The following LRRC4C variants were observed in gnomAD, a reference collection of about 807,000 sequenced individuals.
The protein encoded by LRRC4C is leucine-rich repeat-containing protein 4C.
LRRC4C carries 5 observed loss-of-function variants against 33.6 expected under a neutral mutation model. The ratio of observed to expected loss-of-function variants is 0.15; its 90% CI spans 0.08 to 0.31. The LOEUF is 0.31. Among genes scored for constraint, LRRC4C ranks in the 10% least tolerant of loss-of-function variants. LRRC4C has a pLI of 1.00. For synonymous variants in LRRC4C, 329 were observed against 302.0 expected (o/e 1.09, Z -0.93); for missense variants, 560 against 796.7 (o/e 0.70, Z 3.58).
intron 1 of LRRC4C, among the ~76,000 whole-genome samples, chr11:41,392,860 G>A (rs1021831456): frequency 3.9e-4 from 60 of 151,946 alleles, no homozygotes; most frequent in African/African-American, 1.4e-3. Flanking sequence ...TTCTGAGAGA[G>A]CAAAAGCAAG....
intron 1 of LRRC4C, among the ~76,000 whole-genome samples, chr11:41,055,634 A>G (rs1858563354): frequency 6.6e-6 from 1 of 152,160 alleles, no homozygotes; most frequent in African/African-American, 2.4e-5. Flanking sequence ...CTAGTCTCTT[A>G]TCCATAAATT....
chr11:41,385,050 A>T (rs1953304049), intron 1 of LRRC4C, among the ~76,000 whole-genome samples: 1 of 150,940 alleles, frequency 6.6e-6, no homozygotes, highest in Admixed American at 6.6e-5. Flanking sequence ...CCAGGAAATT[A>T]TGATAATTTT....
chr11:40,683,388 A>G (rs1386716851), intron 2 of LRRC4C, among the ~76,000 whole-genome samples: 1 of 152,234 alleles, frequency 6.6e-6, no homozygotes, highest in African/African-American at 2.4e-5. Flanking sequence ...TGCCTAATAT[A>G]GTATTCATAT....
intron 1 of LRRC4C, among the ~76,000 whole-genome samples, chr11:41,347,877 C>T (rs779054705): frequency 3.9e-5 from 6 of 152,032 alleles, no homozygotes; most frequent in Admixed American, 2.6e-4. Flanking sequence ...AAAATGCTTC[C>T]GAACCACCGG....
intron 2 of LRRC4C, among the ~76,000 whole-genome samples, chr11:40,679,551 G>A (rs1456022358): frequency 1.3e-5 from 2 of 152,192 alleles, no homozygotes; most frequent in Non-Finnish European, 2.9e-5. Flanking sequence ...GCAGTCTAGG[G>A]ACTTGGGGCC....
chr11:41,287,703 A>C (rs1949872297), intron 1 of LRRC4C, among the ~76,000 whole-genome samples: 1 of 152,194 alleles, frequency 6.6e-6, no homozygotes, highest in African/African-American at 2.4e-5. Context: ...AACCGCTTAT[A>C]AAATTATGTT....
chr11:40,505,915 T>C (rs1054834424), intron 3 of LRRC4C, among the ~76,000 whole-genome samples: 1 of 152,036 alleles, frequency 6.6e-6, no homozygotes, highest in African/African-American at 2.4e-5. Flanking sequence ...TTTTTTCTAA[T>C]TTCTTTATCT....
rs1950527499 is a variant in LRRC4C, at chr11:40,421,622, G to A, written c.-269-101901C>T. On this transcript the variant is annotated intron_variant, in intron 3 of 6. Transcript: ENST00000528697. ...CCAAATGAAAGGCCTTTCTCTGGCTGATCTGCCCCACTCATCGACCCACAA... is the reference window on the plus strand; with the variant it reads ...CCAAATGAAAGGCCTTTCTCTGGCTAATCTGCCCCACTCATCGACCCACAA... Among the ~76,000 whole-genome samples, 3 of 152,300 alleles carry A rather than the reference G, an allele frequency of 2.0e-5. No homozygotes were observed. The South Asian group carries it at 6.2e-4, about 32-fold the overall frequency.
intron 1 of LRRC4C, among the ~76,000 whole-genome samples, chr11:40,944,997 A>G (rs989758630): frequency 2.0e-5 from 3 of 150,008 alleles, no homozygotes; most frequent in Non-Finnish European, 4.4e-5. Flanking sequence ...ATGCTCTCCT[A>G]AGTGGTGTTC....
At chr11:41,334,261 G>C (rs1951381888) in intron 1 of LRRC4C, among the ~76,000 whole-genome samples, 1 of 152,134 alleles carries the variant, frequency 6.6e-6, no homozygotes, top group African/African-American at 2.4e-5. Flanking sequence ...GTACCTCTTT[G>C]AACTCGTCAG....
At chr11:41,369,839 C>T (rs537365101) in intron 1 of LRRC4C, among the ~76,000 whole-genome samples, 48 of 152,130 alleles carry the variant, frequency 3.2e-4, no homozygotes, top group Non-Finnish European at 5.7e-4. Flanking sequence ...GTCCACTCTG[C>T]GAATAATGTG....
At chr11:41,315,216 T>C (rs1950752546) in intron 1 of LRRC4C, among the ~76,000 whole-genome samples, 1 of 152,228 alleles carries the variant, frequency 6.6e-6, no homozygotes, top group African/African-American at 2.4e-5. Flanking sequence ...GTTACAGGCA[T>C]ATCAATGCCT....
intron 3 of LRRC4C, among the ~76,000 whole-genome samples, chr11:40,480,959 G>A (rs1386262491): frequency 6.6e-6 from 1 of 151,630 alleles, no homozygotes; most frequent in Non-Finnish European, 1.5e-5. Context: ...TGTTTAAAGG[G>A]TCTATATTTT....
chr11:40,789,220 C>T (rs1469679784), intron 2 of LRRC4C, among the ~76,000 whole-genome samples: 3 of 150,564 alleles, frequency 2.0e-5, no homozygotes, highest in African/African-American at 7.3e-5. Context: ...AAAATTATGG[C>T]TATAAATTTT....
At chr11:40,167,090 G>A (rs1859657489) in intron 5 of LRRC4C, among the ~76,000 whole-genome samples, 1 of 152,130 alleles carries the variant, frequency 6.6e-6, no homozygotes, top group African/African-American at 2.4e-5. Context: ...TATATTATGA[G>A]TAATCCTGAC....
At chr11:41,254,274 A>T (rs1189827154) in intron 1 of LRRC4C, among the ~76,000 whole-genome samples, 1 of 152,028 alleles carries the variant, frequency 6.6e-6, no homozygotes, top group African/African-American at 2.4e-5. Context: ...TTTTCCAATA[A>T]ATGCACACCA....
At chr11:41,330,615 CAGACTGG>C (rs913216806) in intron 1 of LRRC4C, among the ~76,000 whole-genome samples, 1 of 152,062 alleles carries the variant, frequency 6.6e-6, no homozygotes, top group African/African-American at 2.4e-5. Context: ...GTCTGTCGCC[CAGACTGG>C]AGTGTAGTGG....
At chr11:40,220,336 GC>G (rs1358356270) in intron 5 of LRRC4C, among the ~76,000 whole-genome samples, 1 of 152,046 alleles carries the variant, frequency 6.6e-6, no homozygotes, top group Non-Finnish European at 1.5e-5. Flanking sequence ...ATTTGATTAG[GC>G]TTTTCATATA....
intron 1 of LRRC4C, among the ~76,000 whole-genome samples, chr11:41,423,340 A>G (rs1954935001): frequency 6.6e-6 from 1 of 151,998 alleles, no homozygotes; most frequent in Non-Finnish European, 1.5e-5. Flanking sequence ...ATCACGCTAG[A>G]AAACTTGAAC....
Sources: allele counts gnomAD v4.1 joint callset (sites outside exome capture counted in the v4.1 genomes callset), GRCh38; gene constraint gnomAD v4.1.1; transcripts MANE v1.5; gene names NCBI Gene and HGNC (gene_info 2026-07-23, HGNC 2026-07-21).